The following SLC38A12 variants were observed in gnomAD, a reference collection of about 807,000 sequenced individuals.
The protein encoded by SLC38A12 is solute carrier family 38 member 12.
chr17:74,838,828 T>G, the SLC38A12 span: 1 of 1,524,806 alleles, frequency 6.6e-7, no homozygotes, highest in South Asian at 1.2e-5. Context: ...CACGTTTCAC[T>G]GCAGCCATCA....
the SLC38A12 span, among the ~76,000 whole-genome samples, chr17:74,817,522 C>G: frequency 6.6e-6 from 1 of 152,192 alleles, no homozygotes; most frequent in South Asian, 2.1e-4. Context: ...TATTCCTGGT[C>G]ACTCAAGTGG....
At chr17:74,794,412 G>A in the SLC38A12 span, among the ~76,000 whole-genome samples, 14 of 152,166 alleles carry the variant, frequency 9.2e-5, no homozygotes, top group Non-Finnish European at 1.9e-4. Flanking sequence ...AGAAGGAAAG[G>A]GGGCCTGTCT....
At chr17:74,785,763 G>T in the SLC38A12 span, 1 of 1,065,128 alleles carries the variant, frequency 9.4e-7, no homozygotes, top group African/African-American at 1.6e-5. Context: ...AGAGGGGAAA[G>T]TGGTCACAGA....
the SLC38A12 span, among the ~76,000 whole-genome samples, chr17:74,780,148 G>A: frequency 4.6e-5 from 7 of 152,236 alleles, no homozygotes; most frequent in African/African-American, 2.4e-5. Context: ...AGATTGTTGC[G>A]GTTGCTTTCG....
the SLC38A12 span, among the ~76,000 whole-genome samples, chr17:74,814,919 CTG>C: frequency 6.6e-6 from 1 of 152,186 alleles, no homozygotes; most frequent in African/African-American, 2.4e-5. Context: ...GTGGTATCAA[CTG>C]TGTGTTGGTA....
the SLC38A12 span, among the ~76,000 whole-genome samples, chr17:74,814,579 G>A: frequency 1.3e-5 from 2 of 152,226 alleles, no homozygotes; most frequent in African/African-American, 4.8e-5. Flanking sequence ...CCCTGACTAT[G>A]TGCTGTTTTT....
At chr17:74,837,302 C>G in the SLC38A12 span, 1 of 985,524 alleles carries the variant, frequency 1.0e-6, no homozygotes, top group East Asian at 1.1e-4. Context: ...ACCAGAGTCC[C>G]CAGATAGAGC....
At chr17:74,798,105 C>T in the SLC38A12 span, among the ~76,000 whole-genome samples, 3 of 152,222 alleles carry the variant, frequency 2.0e-5, no homozygotes, top group Non-Finnish European at 2.9e-5. Flanking sequence ...CACCTCCCTA[C>T]CCTGCACACA....
chr17:74,808,540 G>A, the SLC38A12 span, among the ~76,000 whole-genome samples: 2 of 152,296 alleles, frequency 1.3e-5, no homozygotes, highest in East Asian at 3.9e-4. Context: ...CTGGTTCTGA[G>A]CCTCGTCTTC....
At chr17:74,777,761 A>G in the SLC38A12 span, 1 of 487,758 alleles carries the variant, frequency 2.1e-6, no homozygotes, top group Non-Finnish European at 3.6e-6. Context: ...CTCTACTAAA[A>G]ATACAAAATT....
the SLC38A12 span, among the ~76,000 whole-genome samples, chr17:74,803,436 G>A: frequency 3.2e-4 from 49 of 152,150 alleles, no homozygotes; most frequent in East Asian, 3.5e-3. Context: ...GTATATACCC[G>A]AGCCCCACAC....
At chr17:74,809,519 A>G in the SLC38A12 span, among the ~76,000 whole-genome samples, 11 of 152,088 alleles carry the variant, frequency 7.2e-5, no homozygotes, top group African/African-American at 2.4e-4. Flanking sequence ...CTCTCGTCCC[A>G]TGCAGCCTGC....
the SLC38A12 span, among the ~76,000 whole-genome samples, chr17:74,800,781 G>A: frequency 3.7e-5 from 5 of 134,596 alleles, no homozygotes; most frequent in African/African-American, 5.9e-5. Flanking sequence ...TTTATGCAGC[G>A]TCCAGCCCGG....
chr17:74,805,662 G>A, the SLC38A12 span, among the ~76,000 whole-genome samples: 9 of 152,216 alleles, frequency 5.9e-5, no homozygotes, highest in Non-Finnish European at 1.3e-4. The surrounding 1 kb of genome is among the most constrained non-coding windows in gnomAD (Gnocchi z 5.0). Flanking sequence ...CCAGACGTCA[G>A]CAGAAAAGGG....
At chr17:74,777,520 C>T in the SLC38A12 span, 206 of 1,544,172 alleles carry the variant, frequency 1.3e-4, 1 homozygote, top group South Asian at 2.0e-3. Flanking sequence ...CATGGGGCAG[C>T]GACTACAGTG....
chr17:74,838,235 G>A, the SLC38A12 span: 1 of 985,760 alleles, frequency 1.0e-6, no homozygotes, highest in East Asian at 1.1e-4. Context: ...GTCCCCACGT[G>A]TCACTTTCCA....
the SLC38A12 span, among the ~76,000 whole-genome samples, chr17:74,822,575 C>T: frequency 6.6e-6 from 1 of 152,250 alleles, no homozygotes; most frequent in East Asian, 1.9e-4. Context: ...TGTCAGGAGC[C>T]TCTCAGGCGA....
At chr17:74,828,263 G>A in the SLC38A12 span, among the ~76,000 whole-genome samples, 1 of 152,198 alleles carries the variant, frequency 6.6e-6, no homozygotes, top group South Asian at 2.1e-4. Flanking sequence ...AGAGTTGTGG[G>A]AGCAGCTCTC....
the SLC38A12 span, chr17:74,795,088 C>T: frequency 5.6e-6 from 9 of 1,614,184 alleles, no homozygotes; most frequent in East Asian, 2.2e-5. Flanking sequence ...CTGCCGTGCC[C>T]TTCTCCCTCA....
Sources: allele counts gnomAD v4.1 joint callset (sites outside exome capture counted in the v4.1 genomes callset), GRCh38; gene constraint gnomAD v4.1.1; non-coding constraint Gnocchi (gnomAD v3.1); transcripts MANE v1.5; gene names NCBI Gene and HGNC (gene_info 2026-07-23, HGNC 2026-07-21).